Variants in RAD9B observed in about 807,000 individuals in gnomAD.
The protein encoded by RAD9B is RAD9 checkpoint clamp component B, also known as cell cycle checkpoint control protein RAD9B.
A neutral mutation model predicts 48.3 loss-of-function variants in RAD9B; 41 were observed. The observed-to-expected ratio is 0.85, with a 90% confidence interval of 0.66 to 1.10. The LOEUF (loss-of-function observed/expected upper bound fraction) is 1.10, where lower values mean the gene tolerates loss of function less well. Ranked by LOEUF, RAD9B falls within the 50% of genes least tolerant of loss-of-function variation. The probability of loss-of-function intolerance (pLI) is 0.00; values close to 1 mark genes in which losing one functional copy is unlikely to be tolerated. For missense variants in RAD9B, 444 were observed against 485.1 expected, an observed-to-expected ratio of 0.92 and a Z score of 0.80; for synonymous variants, 160 against 157.9, an observed-to-expected ratio of 1.01 and a Z score of -0.10.
intron 2 of RAD9B, 114 bp downstream of exon 2, chr12:110,503,990 GTTTATC>G (rs1458418907): frequency 6.5e-6 from 4 of 612,598 alleles, no homozygotes; most frequent in African/African-American, 3.8e-5. Flanking sequence ...CCCTTTCACT[GTTTATC>G]TTTATTTTAC....
intron 1 of RAD9B, chr12:110,503,514 A>T (rs1043384874): frequency 2.0e-5 from 6 of 302,308 alleles, no homozygotes; most frequent in Non-Finnish European, 3.7e-5. Context: ...TGTAAAATAC[A>T]TTAGTATGGA....
rs1251323623 is a variant in RAD9B at position 110,530,821 on chromosome 12, CTGTT to C, written c.*172_*175del. On this transcript the variant is annotated 3_prime_UTR_variant, in exon 11 of 11. Coordinates refer to ENST00000409300, the MANE Select transcript of RAD9B (RefSeq NM_001286535.2). Reference sequence around the variant, plus strand: ...GTACAACAACCATATCTAGAAATAGCTGTTTGTCAAGTGTATGTAACTTGCTTTA... The same window carrying C: ...GTACAACAACCATATCTAGAAATAGCTGTCAAGTGTATGTAACTTGCTTTA... 7.1e-7 allele frequency: 1 copy of C among 1,402,020 alleles called. No homozygotes were observed. The highest frequency in any genetic ancestry group is 2.5e-5 in the East Asian group (1 of 39,306). 86.8% of individuals were successfully genotyped at this position (1,402,020 alleles called of 1,614,324 possible).
chr12:110,517,391 G>A (rs991706446), intron 6 of RAD9B, among the ~76,000 whole-genome samples: 11 of 152,066 alleles, frequency 7.2e-5, no homozygotes, highest in South Asian at 2.1e-4. Context: ...TTGGGAGGCC[G>A]AGGAGGGCTG....
chr12:110,530,823 G>C lies in RAD9B; in HGVS notation c.*170G>C, dbSNP rs1175770662. 7.2e-7 allele frequency: 1 copy of C among 1,395,772 alleles called. No homozygotes were observed. Among genetic ancestry groups the C allele is most frequent in the Non-Finnish European group, 9.3e-7 (1 of 1,075,134 alleles). 86.5% of individuals were successfully genotyped at this position (1,395,772 alleles called of 1,614,324 possible). A position where few individuals can be genotyped will look rare whatever the true frequency, so the allele number is the denominator to read the frequency against. On this transcript the variant is annotated 3_prime_UTR_variant, in exon 11 of 11. Coordinates refer to ENST00000409300, the MANE Select transcript of RAD9B (RefSeq NM_001286535.2). Reference sequence around the variant, plus strand: ...ACAACAACCATATCTAGAAATAGCTGTTTGTCAAGTGTATGTAACTTGCTT... The same window carrying C: ...ACAACAACCATATCTAGAAATAGCTCTTTGTCAAGTGTATGTAACTTGCTT...
Position 110,518,871 on chromosome 12 carries a change from C to T in RAD9B, c.703-3C>T. On this transcript the variant is annotated splice_polypyrimidine_tract_variant and splice_region_variant and intron_variant, in intron 7 of 10. Coordinates refer to ENST00000409300, the MANE Select transcript of RAD9B (RefSeq NM_001286535.2). ...AAGTTTTTTTCTTCTTTTCTTTTTT[C>T]AGGGAATACTGACATTTTCAGAAGC... 6.3e-7 allele frequency: 1 copy of T among 1,576,048 alleles called. No individual in the cohort carries two copies. Among genetic ancestry groups the T allele is most frequent in the Non-Finnish European group, 8.6e-7 (1 of 1,160,922 alleles).
intron 5 of RAD9B, among the ~76,000 whole-genome samples, chr12:110,513,809 C>T (rs2135687892): frequency 6.6e-6 from 1 of 151,634 alleles, no homozygotes; most frequent in Middle Eastern, 3.4e-3. Flanking sequence ...CTGTAACCTC[C>T]ACCTCCTGGG....
At chr12:110,520,605 G>C (rs1032196728) in intron 9 of RAD9B, among the ~76,000 whole-genome samples, 4 of 143,184 alleles carry the variant, frequency 2.8e-5, no homozygotes, top group African/African-American at 1.0e-4. Flanking sequence ...CAGATATAGG[G>C]ATAGCCATTG....
rs774002107 is a variant in RAD9B, at chr12:110,532,508, C to T, written c.*1855C>T. 2.6e-5 allele frequency among the ~76,000 whole-genome samples: 4 copies of T among 152,340 alleles called. No homozygotes were observed. Among genetic ancestry groups the T allele is most frequent in the Admixed American group, 2.0e-4 (3 of 15,298 alleles). ...ATCAGTTGAGCCCAGCAGTTCAAGA[C>T]TAGCCTGGGCAACATGGTGAGATCC... is the stretch of plus-strand genomic sequence containing the variant. On this transcript the variant is annotated 3_prime_UTR_variant, in exon 11 of 11. Transcript: ENST00000409300.
rs772464350 is a variant in RAD9B, at chr12:110,512,844, A to C, written c.454A>C (p.Asn152His). Residue 152 changes from asparagine to histidine, a missense_variant, in exon 5 of 11, where the codon AAT becomes CAT. Coordinates refer to ENST00000409300, the MANE Select transcript of RAD9B (RefSeq NM_001286535.2). ...SQPLQVIFDK[N>H]VCTNTLMIQP... ...GCCTTTGCAAGTTATTTTTGACAAGAATGTTTGTACTAATACGCTAATGAT... is the reference window on the plus strand; with the variant it reads ...GCCTTTGCAAGTTATTTTTGACAAGCATGTTTGTACTAATACGCTAATGAT... The C allele has an allele frequency of 1.9e-5, 30 of 1,555,280 alleles. No homozygotes were observed. The highest frequency in any genetic ancestry group is 2.6e-5 in the Non-Finnish European group (30 of 1,136,338).
At chr12:110,515,825 CT>C (rs1292788483) in intron 6 of RAD9B, among the ~76,000 whole-genome samples, 3 of 152,090 alleles carry the variant, frequency 2.0e-5, no homozygotes, top group Non-Finnish European at 4.4e-5. Flanking sequence ...GGTCACATGA[CT>C]TTTGTAGTGT....
rs554914476 is a variant in RAD9B, at chr12:110,531,108, C to A, written c.*455C>A. The A allele has an allele frequency of 4.5e-5, 45 of 993,740 alleles. No individual in the cohort carries two copies. Among genetic ancestry groups the A allele is most frequent in the Non-Finnish European group, 5.0e-5 (42 of 835,230 alleles). The allele number at this position is 993,740 out of a possible 1,614,324, so 61.6% of individuals were successfully genotyped here. Reference sequence around the variant, plus strand: ...TTAGTTTTCTCATGTAATACCATGGCCTTTTTTGTGCATTGTTTTTTATAT... The same window carrying A: ...TTAGTTTTCTCATGTAATACCATGGACTTTTTTGTGCATTGTTTTTTATAT... On this transcript the variant is annotated 3_prime_UTR_variant, in exon 11 of 11. Transcript: ENST00000409300.
chr12:110,510,666 G>A (rs977663120), intron 4 of RAD9B, among the ~76,000 whole-genome samples: 1 of 152,214 alleles, frequency 6.6e-6, no homozygotes, highest in African/African-American at 2.4e-5. Flanking sequence ...GGATCAGAGA[G>A]AATGTATGTA....
rs536533333 is a variant in RAD9B at position 110,505,926 on chromosome 12, C to T, written c.273+154C>T. On this transcript the variant is annotated intron_variant, in intron 3 of 10. Transcript: ENST00000409300. ...TTGAGACAGAGTCTCGCTTTCTTACCCAGGCTGGAGTGCAGTGGTGCAATC... is the reference window on the plus strand; with the variant it reads ...TTGAGACAGAGTCTCGCTTTCTTACTCAGGCTGGAGTGCAGTGGTGCAATC... Among the ~76,000 whole-genome samples, 9 of 152,260 alleles carry T rather than the reference C, an allele frequency of 5.9e-5. No homozygotes were observed. The East Asian group carries it at 9.6e-4, about 16-fold the overall frequency.
At chr12:110,513,206 G>A (rs988774812) in intron 5 of RAD9B, among the ~76,000 whole-genome samples, 1 of 151,776 alleles carries the variant, frequency 6.6e-6, no homozygotes, top group Admixed American at 6.6e-5. Context: ...CTGACCTCGT[G>A]ATCCACCTGC....
At chr12:110,504,024 G>A (rs950186726) in intron 2 of RAD9B, 148 bp downstream of exon 2, 10 of 533,722 alleles carry the variant, frequency 1.9e-5, no homozygotes, top group Admixed American at 1.8e-4. Context: ...AATACACTTA[G>A]AGCATGGTAA....
intron 4 of RAD9B, among the ~76,000 whole-genome samples, chr12:110,507,796 A>G (rs1302125714): frequency 6.6e-6 from 1 of 151,196 alleles, no homozygotes; most frequent in African/African-American, 2.4e-5. Context: ...GATTACAGGC[A>G]TGCTTCACCA....
At position 110,530,648 on chromosome 12, in the gene RAD9B, T is replaced by G. The variant is rs776749832; in HGVS notation, c.1249T>G (p.Phe417Val). The G allele has an allele frequency of 1.9e-6, 3 of 1,613,722 alleles. No homozygotes were observed. In the African/African-American group the frequency reaches 4.0e-5, roughly 22 times the overall value. Residue 417 changes from phenylalanine to valine, a missense_variant, in exon 11 of 11, where the codon TTC becomes GTC. Phe to Val is a conservative substitution (Grantham distance 50, BLOSUM62 -1). Transcript: ENST00000409300. ...EDMNNGSFSI[F>V] ...CATGAATAATGGCAGTTTCTCTATA[T>G]TCTAATGCTTAATGATGGCTGAGCT... is the stretch of plus-strand genomic sequence containing the variant.
intron 4 of RAD9B, among the ~76,000 whole-genome samples, chr12:110,510,133 T>A (rs1217135620): frequency 1.3e-5 from 2 of 152,234 alleles, no homozygotes; most frequent in Non-Finnish European, 2.9e-5. Flanking sequence ...CAGAATGGCC[T>A]ATAAGGTCCT....
chr12:110,513,110 C>G (rs192958426), intron 5 of RAD9B, among the ~76,000 whole-genome samples: 1 of 151,752 alleles, frequency 6.6e-6, no homozygotes, highest in Non-Finnish European at 1.5e-5. Context: ...GGACTACAGG[C>G]GCCCACCGCC....
Sources: allele counts gnomAD v4.1 joint callset (sites outside exome capture counted in the v4.1 genomes callset), GRCh38; gene constraint gnomAD v4.1.1; transcripts MANE v1.5; gene names NCBI Gene and HGNC (gene_info 2026-07-23, HGNC 2026-07-21).